Variants in HCN1 observed in about 807,000 individuals in gnomAD.
HCN1 encodes the protein hyperpolarization activated cyclic nucleotide gated potassium channel 1.
A neutral mutation model predicts 78.9 loss-of-function variants in HCN1; 13 were observed. The observed-to-expected ratio is 0.16, with a 90% CI of 0.11 to 0.26. HCN1 has a LOEUF of 0.26. HCN1 is among the 10% of genes least tolerant of loss of function. The pLI is 1.00. For synonymous variants in HCN1, 552 were observed against 455.5 expected (o/e 1.21, Z -2.70); for missense variants, 810 against 1,154.3 (o/e 0.70, Z 4.32).
intron 4 of HCN1, among the ~76,000 whole-genome samples, chr5:45,359,005 T>C (rs1331811713): frequency 6.6e-6 from 1 of 152,104 alleles, no homozygotes; most frequent in East Asian, 1.9e-4. Context: ...TGCCATGCCA[T>C]AAGCCCCTAT....
At chr5:45,384,276 AC>A (rs377279679) in intron 4 of HCN1, among the ~76,000 whole-genome samples, 24 of 152,302 alleles carry the variant, frequency 1.6e-4, no homozygotes, top group African/African-American at 5.3e-4. Flanking sequence ...GTAATAAGAT[AC>A]TAAAAACACC....
chr5:45,360,817 T>C (rs537933163), intron 4 of HCN1, among the ~76,000 whole-genome samples: 1 of 152,206 alleles, frequency 6.6e-6, no homozygotes, highest in East Asian at 1.9e-4. Context: ...GCAGATGGTT[T>C]AGAGATTTGT....
chr5:45,616,381 A>C (rs537470023), intron 2 of HCN1, among the ~76,000 whole-genome samples: 1 of 152,162 alleles, frequency 6.6e-6, no homozygotes, highest in Non-Finnish European at 1.5e-5. Context: ...GTGCGCCTAA[A>C]ATAGTAAAAA....
At chr5:45,572,405 T>C (rs1743854332) in intron 2 of HCN1, among the ~76,000 whole-genome samples, 1 of 152,164 alleles carries the variant, frequency 6.6e-6, no homozygotes, top group South Asian at 2.1e-4. Flanking sequence ...ATGCTCAAAG[T>C]ACTTTAAAGA....
intron 4 of HCN1, among the ~76,000 whole-genome samples, chr5:45,375,180 A>G (rs1747585155): frequency 8.2e-6 from 1 of 121,248 alleles, no homozygotes; most frequent in Non-Finnish European, 1.6e-5. Context: ...TATAATATAT[A>G]ATGTATTATA....
At chr5:45,368,323 TAGTC>T (rs756600527) in intron 4 of HCN1, among the ~76,000 whole-genome samples, 4 of 152,020 alleles carry the variant, frequency 2.6e-5, no homozygotes, top group African/African-American at 9.7e-5. Flanking sequence ...AACATTTTCT[TAGTC>T]AGGTGTTTAA....
intron 6 of HCN1, among the ~76,000 whole-genome samples, chr5:45,285,602 CATGGTCCCTGAGAAAAATTTCA>C (rs1042334016): frequency 2.6e-5 from 4 of 151,908 alleles, no homozygotes; most frequent in African/African-American, 9.7e-5. Context: ...TATTCATTTT[CATGGTCCCTGAGAAAAATTTCA>C]AGATTGTTAT....
At chr5:45,525,723 C>A (rs1176429291) in intron 2 of HCN1, among the ~76,000 whole-genome samples, 2 of 151,964 alleles carry the variant, frequency 1.3e-5, no homozygotes, top group Admixed American at 6.6e-5. Context: ...GAATTAGTCA[C>A]CTACATACAG....
At chr5:45,522,861 T>C (rs1742643493) in intron 2 of HCN1, among the ~76,000 whole-genome samples, 1 of 151,966 alleles carries the variant, frequency 6.6e-6, no homozygotes, top group Admixed American at 6.6e-5. Flanking sequence ...CTTTTTTAAA[T>C]TTTATTATTA....
At chr5:45,600,595 A>C (rs1165482776) in intron 2 of HCN1, among the ~76,000 whole-genome samples, 3 of 152,164 alleles carry the variant, frequency 2.0e-5, no homozygotes, top group Admixed American at 2.0e-4. Context: ...TCTTAACAAC[A>C]TCTCACTTCA....
intron 2 of HCN1, among the ~76,000 whole-genome samples, chr5:45,590,157 T>C (rs1187032835): frequency 6.6e-6 from 1 of 152,226 alleles, no homozygotes; most frequent in African/African-American, 2.4e-5. Context: ...ATGAATTGTT[T>C]ATTTAATGCT....
chr5:45,314,715 G>A (rs942245696), intron 5 of HCN1, among the ~76,000 whole-genome samples: 5 of 152,036 alleles, frequency 3.3e-5, no homozygotes, highest in Admixed American at 3.3e-4. Context: ...AGGGATAGAG[G>A]AAGATCTACC....
chr5:45,641,195 G>A, intron 2 of HCN1, among the ~76,000 whole-genome samples: 1 of 152,148 alleles, frequency 6.6e-6, no homozygotes, highest in East Asian at 1.9e-4. Context: ...AATATGTATT[G>A]TATAATTATA....
intron 5 of HCN1, among the ~76,000 whole-genome samples, chr5:45,322,936 T>C (rs761974155): frequency 2.0e-5 from 3 of 151,878 alleles, no homozygotes; most frequent in Non-Finnish European, 4.4e-5. Context: ...TTGTCTGATA[T>C]AATAGTTCCT....
intron 4 of HCN1, among the ~76,000 whole-genome samples, chr5:45,385,346 G>A (rs1257823014): frequency 6.6e-6 from 1 of 151,972 alleles, no homozygotes; most frequent in Non-Finnish European, 1.5e-5. Flanking sequence ...TGAGAAGGTA[G>A]TCATTCGATT....
chr5:45,301,821 T>A (rs1395558522), intron 6 of HCN1, among the ~76,000 whole-genome samples: 4 of 146,200 alleles, frequency 2.7e-5, no homozygotes, highest in African/African-American at 7.6e-5. Context: ...TAAGAAAAAA[T>A]AGGCAGATTT....
chr5:45,337,434 C>T (rs185370534), intron 5 of HCN1, among the ~76,000 whole-genome samples: 11 of 152,200 alleles, frequency 7.2e-5, no homozygotes, highest in African/African-American at 2.4e-4. Context: ...TTGAGCATCA[C>T]TTTTCTTATC....
intron 4 of HCN1, among the ~76,000 whole-genome samples, chr5:45,372,791 A>G (rs1446426378): frequency 2.1e-5 from 3 of 141,500 alleles, no homozygotes; most frequent in African/African-American, 7.9e-5. Context: ...ATACACAAAA[A>G]TATTTACGTA....
chr5:45,625,136 C>T (rs914508281), intron 2 of HCN1, among the ~76,000 whole-genome samples: 23 of 152,148 alleles, frequency 1.5e-4, no homozygotes, highest in African/African-American at 5.5e-4. Context: ...AACCCCATCT[C>T]TACTAAAAAT....
Sources: gnomAD v4.1 joint callset for allele counts (sites outside exome capture counted in the v4.1 genomes callset) on GRCh38, gnomAD v4.1.1 for gene constraint, MANE v1.5 for transcripts, NCBI Gene and HGNC (gene_info 2026-07-23, HGNC 2026-07-21) for gene names.